MSRA: variants seen among roughly 807,000 people sequenced by gnomAD.
The protein encoded by MSRA is mitochondrial peptide methionine sulfoxide reductase.
MSRA carries 54 observed loss-of-function variants against 31.3 expected under a neutral mutation model. The observed-to-expected ratio is 1.73, with a 90% CI of 1.39 to 2.17. The LOEUF (loss-of-function observed/expected upper bound fraction) is 2.17. MSRA is among the 30% of genes most tolerant of loss of function. The pLI is 0.00. For missense variants in MSRA, 507 were observed against 300.9 expected (o/e 1.69, Z -5.07); for synonymous variants, 169 against 116.5 (o/e 1.45, Z -2.90).
chr8:10,353,467 T>C, intron 5 of MSRA: 1 of 361,392 alleles, frequency 2.8e-6, no homozygotes, highest in Non-Finnish European at 5.4e-6. Context: ...CATCCGTGAG[T>C]CCTGTATTTG....
chr8:10,423,523 G>C (rs934283020), intron 5 of MSRA, among the ~76,000 whole-genome samples: 3 of 151,888 alleles, frequency 2.0e-5, no homozygotes, highest in Admixed American at 1.3e-4. Context: ...GGGAGGGGGG[G>C]TGGCAGCAGA....
chr8:10,208,661 G>C (rs557543476), intron 2 of MSRA, among the ~76,000 whole-genome samples: 1 of 151,898 alleles, frequency 6.6e-6, no homozygotes, highest in African/African-American at 2.4e-5. Context: ...GTTCATCCCT[G>C]TGTTACCCAC....
chr8:10,061,949 C>A (rs1470617812), intron 1 of MSRA, among the ~76,000 whole-genome samples: 22 of 152,218 alleles, frequency 1.4e-4, no homozygotes, highest in Admixed American at 1.4e-3. Flanking sequence ...CACGTGGGGC[C>A]TTGGCCTGCG....
chr8:10,189,349 C>A (rs1046636942), intron 1 of MSRA, among the ~76,000 whole-genome samples: 5 of 151,550 alleles, frequency 3.3e-5, no homozygotes, highest in African/African-American at 1.2e-4. Flanking sequence ...TTTTTCTTGC[C>A]TTTTTTGAAC....
chr8:10,194,152 C>G (rs1207872672), intron 1 of MSRA, among the ~76,000 whole-genome samples: 1 of 152,140 alleles, frequency 6.6e-6, no homozygotes, highest in Non-Finnish European at 1.5e-5. Flanking sequence ...TCACTCTCCC[C>G]CTCTCTCCTC....
intron 1 of MSRA, among the ~76,000 whole-genome samples, chr8:10,084,704 C>G (rs1250277742): frequency 1.3e-5 from 2 of 152,140 alleles, no homozygotes; most frequent in African/African-American, 4.8e-5. Context: ...TTAAATGACA[C>G]AGAAGGAGAA....
chr8:10,108,201 T>G (rs1800024653), intron 1 of MSRA, among the ~76,000 whole-genome samples: 1 of 152,266 alleles, frequency 6.6e-6, no homozygotes, highest in South Asian at 2.1e-4. Context: ...ACGTTTGTTC[T>G]TAAGTCTCTG....
At chr8:10,214,381 T>A (rs555404453) in intron 2 of MSRA, among the ~76,000 whole-genome samples, 1 of 152,158 alleles carries the variant, frequency 6.6e-6, no homozygotes, top group South Asian at 2.1e-4. Flanking sequence ...CTGACATGAA[T>A]GGGAGGTGAG....
Position 10,226,922 on chromosome 8 carries a change from T to C in MSRA, c.212-18182T>C, listed in dbSNP as rs191126948. On this transcript the variant is annotated intron_variant, in intron 2 of 5. Transcript: ENST00000317173. The stretch of plus-strand genomic sequence containing the variant: ...GCTATTTAATCCTTTATCGTCACCA[T>C]GTCCAGCTAGCAACCACTTGCCTTC... 1.5e-3 allele frequency among the ~76,000 whole-genome samples: 231 copies of C among 152,282 alleles called. 1 individual carries two copies. The highest frequency in any genetic ancestry group is 6.8e-3 in the Middle Eastern group (2 of 294).
chr8:10,358,064 A>C (rs1450238816), intron 5 of MSRA, among the ~76,000 whole-genome samples: 1 of 152,184 alleles, frequency 6.6e-6, no homozygotes, highest in African/African-American at 2.4e-5. Flanking sequence ...CTGGGATTAC[A>C]GGTGTGCACC....
At chr8:10,152,317 C>T (rs1021711231) in intron 1 of MSRA, among the ~76,000 whole-genome samples, 1 of 152,076 alleles carries the variant, frequency 6.6e-6, no homozygotes, top group Admixed American at 6.5e-5. Context: ...ATAAATATGT[C>T]CAATGTAAAA....
chr8:10,284,366 G>C (rs962948826), intron 3 of MSRA, among the ~76,000 whole-genome samples: 1 of 151,510 alleles, frequency 6.6e-6, no homozygotes, highest in Non-Finnish European at 1.5e-5. Flanking sequence ...TTTTTTTTTG[G>C]ATTTTTACTA....
chr8:10,366,791 T>C (rs1805192821), intron 5 of MSRA, among the ~76,000 whole-genome samples: 1 of 152,176 alleles, frequency 6.6e-6, no homozygotes, highest in Admixed American at 6.5e-5. Flanking sequence ...GCTCAGCTAA[T>C]ATCATGAGTG....
intron 1 of MSRA, among the ~76,000 whole-genome samples, chr8:10,100,320 A>G (rs1465499940): frequency 1.3e-5 from 2 of 152,102 alleles, no homozygotes; most frequent in African/African-American, 4.8e-5. Context: ...TCTGTGTCCA[A>G]GGCGGTGAGG....
At chr8:10,066,052 T>C (rs1206375270) in intron 1 of MSRA, among the ~76,000 whole-genome samples, 1 of 151,792 alleles carries the variant, frequency 6.6e-6, no homozygotes, top group African/African-American at 2.4e-5. Flanking sequence ...AGACAGAGTC[T>C]TGCTCTGTCG....
chr8:10,208,273 C>G (rs778764190), intron 2 of MSRA, among the ~76,000 whole-genome samples: 30 of 151,542 alleles, frequency 2.0e-4, no homozygotes, highest in Non-Finnish European at 3.5e-4. Flanking sequence ...GTAGTTTTGA[C>G]TTATTATTAC....
At chr8:10,202,188 C>A (rs1056696601) in intron 1 of MSRA, among the ~76,000 whole-genome samples, 3 of 152,204 alleles carry the variant, frequency 2.0e-5, no homozygotes, top group African/African-American at 7.2e-5. Flanking sequence ...TCTTACTGAA[C>A]CTATACGAAG....
intron 4 of MSRA, among the ~76,000 whole-genome samples, chr8:10,305,409 CTTTTT>C (rs549346544): frequency 1.6e-5 from 2 of 122,968 alleles, no homozygotes; most frequent in African/African-American, 6.1e-5. Flanking sequence ...TGTTTTCTTC[CTTTTT>C]TTTTTTTTTT....
rs1054767717 is a variant in MSRA at position 10,106,927 on chromosome 8, C to G, written c.142+52269C>G. Among the ~76,000 whole-genome samples the G allele has an allele frequency of 2.6e-5, 4 of 152,010 alleles. No individual in the cohort carries two copies. In the South Asian group the frequency reaches 8.3e-4, roughly 32 times the overall value. Reference sequence around the variant, plus strand: ...CTACCCACCTACCCATTCACCTACCCCATCTATCCACCTTCCCACCCACCT... The same window carrying G: ...CTACCCACCTACCCATTCACCTACCGCATCTATCCACCTTCCCACCCACCT... On this transcript the variant is annotated intron_variant, in intron 1 of 5. Coordinates refer to ENST00000317173, the MANE Select transcript of MSRA (RefSeq NM_012331.5).
Sources: gnomAD v4.1 joint callset for allele counts (sites outside exome capture counted in the v4.1 genomes callset) on GRCh38, gnomAD v4.1.1 for gene constraint, MANE v1.5 for transcripts, NCBI Gene and HGNC (gene_info 2026-07-23, HGNC 2026-07-21) for gene names.